Variants in ABCC1 observed in about 807,000 individuals in gnomAD.
ABCC1 encodes multidrug resistance-associated protein 1.
In ABCC1, 83 loss-of-function variants were observed where a neutral mutation model predicts 172.9. The observed-to-expected ratio is 0.48, with a 90% confidence interval of 0.40 to 0.58. The LOEUF (loss-of-function observed/expected upper bound fraction) is 0.58, where lower values mean the gene tolerates loss of function less well. Ranked by LOEUF, ABCC1 falls within the 20% of genes least tolerant of loss-of-function variation. The pLI is 0.00. For synonymous variants in ABCC1, 937 were observed against 825.2 expected, an observed-to-expected ratio of 1.14 and a Z score of -2.32; for missense variants, 1,817 against 2,002.7, an observed-to-expected ratio of 0.91 and a Z score of 1.77.
At chr16:15,996,205 G>A (rs1441282891) in intron 1 of ABCC1, among the ~76,000 whole-genome samples, 2 of 151,826 alleles carry the variant, frequency 1.3e-5, no homozygotes, top group African/African-American at 4.8e-5. Flanking sequence ...GGCTGGTCTC[G>A]AACTCCTGAC....
At chr16:16,050,313 G>A (rs951997807) in intron 10 of ABCC1, among the ~76,000 whole-genome samples, 5 of 152,012 alleles carry the variant, frequency 3.3e-5, no homozygotes, top group Admixed American at 3.3e-4. Flanking sequence ...ATAAACATTA[G>A]TCAGGCATGG....
intron 12 of ABCC1, among the ~76,000 whole-genome samples, chr16:16,061,772 CTTTTT>C (rs201926082): frequency 8.6e-6 from 1 of 116,226 alleles, no homozygotes; most frequent in Non-Finnish European, 1.7e-5. Context: ...TTCTTTTTTT[CTTTTT>C]TTTTTTTTTT....
intron 19 of ABCC1, chr16:16,094,044 C>G (rs1411018283): frequency 7.3e-6 from 1 of 137,704 alleles, no homozygotes; most frequent in Non-Finnish European, 1.5e-5. Context: ...TATTCCCATG[C>G]CATAAGCTTT....
Position 16,071,725 on chromosome 16 carries a change from A to C in ABCC1, c.1908A>C (p.Lys636Asn). The C allele has an allele frequency of 6.2e-7, 1 of 1,613,260 alleles. No individual in the cohort carries two copies. Residue 636 changes from lysine (K) to asparagine (N), a missense_variant, in exon 14 of 31, where the codon AAA (lysine) becomes AAC (asparagine). Lys to Asn is a moderately conservative substitution (Grantham distance 94). Around this residue, in one of 3 missense-constraint regions of ABCC1, gnomAD observed 1,412 missense variants for 1,600.3 expected, o/e 0.88. Transcript: ENST00000399410. ...EPDSIERRPV[K>N]DGGGTNSITV... ...ACAGCATCGAGCGACGGCCTGTCAAAGACGGTGTGTGTGTGTTCAGTCCTG... is the reference window on the plus strand; with the variant it reads ...ACAGCATCGAGCGACGGCCTGTCAACGACGGTGTGTGTGTGTTCAGTCCTG...
Position 16,123,864 on chromosome 16 carries a change from C to A in ABCC1, c.3591-925C>A, listed in dbSNP as rs544864161. ...CTGTCTCTAAAAACAAAACAAAAAA[C>A]CAAAAATTTGCCAGGTGTGGTGGCA... is the stretch of plus-strand genomic sequence containing the variant. On this transcript the variant is annotated intron_variant, in intron 24 of 30. Transcript: ENST00000399410. Among the ~76,000 whole-genome samples the A allele has an allele frequency of 2.0e-5, 3 of 151,814 alleles. No individual in the cohort carries two copies. In the South Asian group the frequency reaches 6.2e-4, roughly 32 times the overall value.
chr16:16,092,519 G>A (rs748489067), intron 19 of ABCC1, among the ~76,000 whole-genome samples: 4 of 152,166 alleles, frequency 2.6e-5, no homozygotes, highest in South Asian at 2.1e-4. Flanking sequence ...TACACTTAGC[G>A]TGGTGTTTTC....
intron 12 of ABCC1, among the ~76,000 whole-genome samples, chr16:16,057,259 C>T (rs377635627): frequency 2.0e-5 from 3 of 150,064 alleles, no homozygotes; most frequent in South Asian, 2.1e-4. Flanking sequence ...CTCAGGAGGC[C>T]GAGACATGAG....
intron 1 of ABCC1, among the ~76,000 whole-genome samples, chr16:15,974,866 A>G (rs1189371348): frequency 6.6e-6 from 1 of 152,138 alleles, no homozygotes; most frequent in African/African-American, 2.4e-5. Flanking sequence ...GGCTCACTGT[A>G]GCCTCCGTCT....
In ABCC1 at chr16:16,086,867, C is replaced by G. The variant is rs1253945701; in HGVS notation, c.2336C>G (p.Ala779Gly). 1.2e-6 allele frequency: 2 copies of G among 1,614,074 alleles called. No homozygotes were observed. The highest frequency in any genetic ancestry group is 2.7e-5 in the African/African-American group (2 of 74,936). The change falls in exon 18 of 31, where the codon GCC becomes GGC. Residue 779 changes from alanine to glycine, a missense_variant. Physicochemically the swap from Ala to Gly is moderately conservative, Grantham distance 60. Coordinates refer to ENST00000399410, the MANE Select transcript of ABCC1 (RefSeq NM_004996.4). ...GGCCAGAAGCAGCGCGTGAGCCTGG[C>G]CCGGGCCGTGTACTCCAACGCTGAC... ...SGGQKQRVSL[A>G]RAVYSNADIY...
chr16:16,040,265 GAATT>G (rs1412020692), intron 7 of ABCC1, among the ~76,000 whole-genome samples: 5 of 151,502 alleles, frequency 3.3e-5, no homozygotes, highest in Non-Finnish European at 7.4e-5. Context: ...CCTGGCTGAT[GAATT>G]AATTAATTAA....
At chr16:16,024,629 G>C (rs1017363313) in intron 5 of ABCC1, among the ~76,000 whole-genome samples, 1 of 152,138 alleles carries the variant, frequency 6.6e-6, no homozygotes, top group African/African-American at 2.4e-5. Flanking sequence ...TAGGATTACA[G>C]GGATGGGTGA....
chr16:16,101,770 G>A (rs1406202018), intron 19 of ABCC1, among the ~76,000 whole-genome samples: 2 of 152,190 alleles, frequency 1.3e-5, no homozygotes, highest in Non-Finnish European at 2.9e-5. Flanking sequence ...CACGACACAC[G>A]GTGCCCAAGT....
At chr16:16,002,087 T>G (rs550059251) in intron 1 of ABCC1, among the ~76,000 whole-genome samples, 1 of 152,284 alleles carries the variant, frequency 6.6e-6, no homozygotes, top group East Asian at 1.9e-4. Flanking sequence ...CTGCATTGTT[T>G]GTAAGAGGAA....
chr16:16,141,986 G>T lies in ABCC1; in HGVS notation c.*705G>T, dbSNP rs1240852472. ...ACGCCTGTCCTCCTGGAAGGGACCT[G>T]GTTGGACTAACGGCTAACCTGGACC... On this transcript the variant is annotated 3_prime_UTR_variant, in exon 31 of 31. Coordinates refer to ENST00000399410, the MANE Select transcript of ABCC1 (RefSeq NM_004996.4). 6.6e-6 allele frequency: 1 copy of T among 152,256 alleles called. No homozygotes were observed. Among genetic ancestry groups the T allele is most frequent in the African/African-American group, 2.4e-5 (1 of 41,462 alleles). 9.4% of individuals were successfully genotyped at this position (152,256 alleles called of 1,614,324 possible). A position where few individuals can be genotyped will look rare whatever the true frequency, so the allele number is the denominator to read the frequency against.
chr16:16,117,148 G>T (rs915068011), intron 23 of ABCC1, among the ~76,000 whole-genome samples: 1 of 152,204 alleles, frequency 6.6e-6, no homozygotes, highest in African/African-American at 2.4e-5. Context: ...CTGCTATGAA[G>T]AAATACCCAA....
rs141299910 is a variant in ABCC1, at chr16:15,977,681, C to A, written c.48+27882C>A. 2.2e-3 allele frequency among the ~76,000 whole-genome samples: 331 copies of A among 152,264 alleles called. 4 individuals carry two copies. The highest frequency in any genetic ancestry group is 7.1e-3 in the African/African-American group (294 of 41,530). On this transcript the variant is annotated intron_variant, in intron 1 of 30. Transcript: ENST00000399410. ...TAGGCTGGTCCTGAACTCCTGGTCT[C>A]AAGTGATCCTCCCATCTTGGCCTTC...
intron 1 of ABCC1, among the ~76,000 whole-genome samples, chr16:15,956,002 C>T (rs748480954): frequency 6.6e-6 from 1 of 152,130 alleles, no homozygotes; most frequent in African/African-American, 2.4e-5. Context: ...AATCTCAGCA[C>T]TTTGGGAGGC....
At chr16:16,125,360 A>T (rs1291360896) in intron 25 of ABCC1, among the ~76,000 whole-genome samples, 1 of 152,176 alleles carries the variant, frequency 6.6e-6, no homozygotes, top group African/African-American at 2.4e-5. Flanking sequence ...GGTGATGGCT[A>T]TACCTGGGGT....
In ABCC1 at chr16:16,102,664, G is replaced by C; in HGVS notation, c.2682G>C (p.Lys894Asn). 1 of 1,592,570 alleles carries C rather than the reference G, an allele frequency of 6.3e-7. No individual in the cohort carries two copies. The highest frequency in any genetic ancestry group is 8.6e-7 in the Non-Finnish European group (1 of 1,169,448). Residue 894 changes from lysine to asparagine, a missense_variant, in exon 20 of 31, where the codon AAG becomes AAC. This residue lies in a region of ABCC1 where 1,412 missense variants were observed against 1,600.3 expected (regional missense o/e 0.88). Coordinates refer to ENST00000399410, the MANE Select transcript of ABCC1 (RefSeq NM_004996.4). ...TGVSGPGKEA[K>N]QMENGMLVTD... ...TCAGCGGTCCAGGGAAGGAAGCAAA[G>C]CAAATGGAGAATGGCATGCTGGTGA...
Sources: allele counts gnomAD v4.1 joint callset (sites outside exome capture counted in the v4.1 genomes callset), GRCh38; gene constraint gnomAD v4.1.1; regional missense constraint gnomAD v4.1.1; transcripts MANE v1.5; gene names NCBI Gene and HGNC (gene_info 2026-07-23, HGNC 2026-07-21).